FAM110B: variants seen among roughly 807,000 people sequenced by gnomAD.
FAM110B encodes protein FAM110B.
In FAM110B, 6 loss-of-function variants were observed where a neutral mutation model predicts 20.4. The observed-to-expected ratio is 0.29, with a 90% CI of 0.16 to 0.58. FAM110B has a LOEUF of 0.58. Ranked by LOEUF, FAM110B falls within the 20% of genes least tolerant of loss-of-function variation. The probability of loss-of-function intolerance (pLI) is 0.90; values close to 1 mark genes in which losing one functional copy is unlikely to be tolerated. For synonymous variants in FAM110B, 226 were observed against 214.1 expected (o/e 1.06, Z -0.49); for missense variants, 434 against 498.2 (o/e 0.87, Z 1.23).
intron 2 of FAM110B, among the ~76,000 whole-genome samples, chr8:58,072,979 G>A (rs1350965784): frequency 6.6e-6 from 1 of 152,174 alleles, no homozygotes; most frequent in African/African-American, 2.4e-5. Flanking sequence ...TGGTCACTTG[G>A]CATCTGTCAT....
intron 3 of FAM110B, chr8:58,091,672 T>G (rs1585878362): frequency 1.3e-5 from 2 of 152,322 alleles, no homozygotes; most frequent in East Asian, 1.9e-4. Flanking sequence ...TACATATTCA[T>G]GACAGATGCC....
chr8:58,116,384 A>G (rs1169085058), intron 3 of FAM110B, among the ~76,000 whole-genome samples: 1 of 152,036 alleles, frequency 6.6e-6, no homozygotes, highest in Non-Finnish European at 1.5e-5. Context: ...GGTTGTGTCC[A>G]TTATCTCTCC....
chr8:58,129,015 C>T (rs370472158), intron 3 of FAM110B, among the ~76,000 whole-genome samples: 45 of 152,278 alleles, frequency 3.0e-4, no homozygotes, highest in Admixed American at 5.9e-4. Context: ...CTAGAAACAA[C>T]GCTGGGAGTG....
intron 2 of FAM110B, among the ~76,000 whole-genome samples, chr8:58,062,424 C>G (rs1359181042): frequency 5.3e-5 from 8 of 152,148 alleles, no homozygotes. Context: ...AAACAGACTC[C>G]ATTTGCACAT....
chr8:58,003,571 G>C (rs1472211427), intron 1 of FAM110B, among the ~76,000 whole-genome samples: 1 of 152,202 alleles, frequency 6.6e-6, no homozygotes, highest in Non-Finnish European at 1.5e-5. Context: ...TGATCCATGT[G>C]CTGCAGAATG....
intron 3 of FAM110B, among the ~76,000 whole-genome samples, chr8:58,130,888 G>GTTTTGCCTCCATGACCA (rs1339827639): frequency 6.6e-6 from 1 of 152,100 alleles, no homozygotes; most frequent in African/African-American, 2.4e-5. Flanking sequence ...TCCCTATTAG[G>GTTTTGCCTCCATGACCA]TTTTGCCTCC....
At chr8:58,123,708 A>G (rs1807422433) in intron 3 of FAM110B, among the ~76,000 whole-genome samples, 1 of 152,228 alleles carries the variant, frequency 6.6e-6, no homozygotes, top group African/African-American at 2.4e-5. Context: ...TTATACAGAT[A>G]GTAATTATAA....
chr8:58,119,488 A>G (rs55877263), intron 3 of FAM110B, among the ~76,000 whole-genome samples: 1,945 of 152,264 alleles, frequency 0.013, 60 homozygotes, highest in African/African-American at 0.045. Flanking sequence ...ACTTTTTAAT[A>G]CTGTTGCACT....
chr8:58,044,746 T>G (rs1174557547), intron 2 of FAM110B, among the ~76,000 whole-genome samples: 1 of 152,156 alleles, frequency 6.6e-6, no homozygotes, highest in Non-Finnish European at 1.5e-5. Flanking sequence ...CAAAACTCAC[T>G]CACACATCAG....
chr8:58,122,578 T>C (rs956426080), intron 3 of FAM110B, among the ~76,000 whole-genome samples: 2 of 152,200 alleles, frequency 1.3e-5, no homozygotes, highest in African/African-American at 4.8e-5. Context: ...CTTTAAATTT[T>C]AAGTATATAT....
intron 3 of FAM110B, among the ~76,000 whole-genome samples, chr8:58,118,403 C>G (rs1273357646): frequency 6.6e-6 from 1 of 152,204 alleles, no homozygotes; most frequent in Non-Finnish European, 1.5e-5. Flanking sequence ...TTTCACTCTT[C>G]CCATCCCAAA....
intron 1 of FAM110B, among the ~76,000 whole-genome samples, chr8:58,003,719 A>G (rs1054586639): frequency 7.9e-5 from 12 of 152,206 alleles, no homozygotes; most frequent in African/African-American, 1.2e-4. Context: ...GGTCTCAACA[A>G]TGGTCTTAAA....
At chr8:58,134,984 T>A (rs1255167381) in intron 3 of FAM110B, among the ~76,000 whole-genome samples, 1 of 152,142 alleles carries the variant, frequency 6.6e-6, no homozygotes, top group African/African-American at 2.4e-5. Flanking sequence ...ATATAATTAG[T>A]GTGGGTGCCT....
intron 3 of FAM110B, among the ~76,000 whole-genome samples, chr8:58,084,473 T>C (rs1806280414): frequency 6.6e-6 from 1 of 151,258 alleles, no homozygotes; most frequent in Admixed American, 6.6e-5. Context: ...CACTGCAGCC[T>C]CCGCCTCCCT....
chr8:58,069,199 C>T (rs999185502), intron 2 of FAM110B, among the ~76,000 whole-genome samples: 1 of 152,146 alleles, frequency 6.6e-6, no homozygotes, highest in African/African-American at 2.4e-5. Flanking sequence ...TTGAGGTACT[C>T]TCTTGAGTGC....
intron 3 of FAM110B, among the ~76,000 whole-genome samples, chr8:58,135,130 T>C (rs925384391): frequency 2.6e-5 from 4 of 152,252 alleles, no homozygotes; most frequent in Admixed American, 6.5e-5. Context: ...TATGAAGCCC[T>C]TGCCCCTCCA....
At chr8:58,105,156 C>A (rs1806877060) in intron 3 of FAM110B, among the ~76,000 whole-genome samples, 1 of 152,000 alleles carries the variant, frequency 6.6e-6, no homozygotes, top group African/African-American at 2.4e-5. Flanking sequence ...TGCCATTTTC[C>A]TGAAATTGCT....
chr8:58,058,807 T>C lies in FAM110B; in HGVS notation c.-413-16728T>C, dbSNP rs140808603. 3.4e-3 allele frequency among the ~76,000 whole-genome samples: 516 copies of C among 152,330 alleles called. 9 individuals are homozygous for C. The highest frequency in any genetic ancestry group is 0.012 in the African/African-American group (498 of 41,578). ...ATAGTAATACCATATTTGTAATGTT[T>C]TGTACAATAGGGTTTTTTGAGGTAA... On this transcript the variant is annotated intron_variant, in intron 2 of 3. Transcript: ENST00000519262.
chr8:58,082,755 A>T (rs1293784384), intron 3 of FAM110B, among the ~76,000 whole-genome samples: 1 of 151,724 alleles, frequency 6.6e-6, no homozygotes, highest in Non-Finnish European at 1.5e-5. Flanking sequence ...AGGTGGGAGG[A>T]TCATTTGAGC....
Sources: allele counts gnomAD v4.1 joint callset (sites outside exome capture counted in the v4.1 genomes callset), GRCh38; gene constraint gnomAD v4.1.1; transcripts MANE v1.5; gene names NCBI Gene and HGNC (gene_info 2026-07-23, HGNC 2026-07-21).